Variants in CDC42EP3 observed in about 807,000 individuals in gnomAD.
The protein encoded by CDC42EP3 is CDC42 effector protein 3.
Under a neutral mutation model 15.5 loss-of-function variants are expected in CDC42EP3, and 4 were observed. The observed-to-expected ratio is 0.26, with a 90% CI of 0.13 to 0.59. The LOEUF (loss-of-function observed/expected upper bound fraction) is 0.59, where lower values mean the gene tolerates loss of function less well. CDC42EP3 is among the 20% of genes least tolerant of loss of function. The pLI, the probability that CDC42EP3 is intolerant of heterozygous loss-of-function variation, is 0.89. For synonymous variants in CDC42EP3, 145 were observed against 130.3 expected, an observed-to-expected ratio of 1.11 and a Z score of -0.77; for missense variants, 309 against 311.2, an observed-to-expected ratio of 0.99 and a Z score of 0.05.
At chr2:37,660,233 T>A (rs1473218877) in intron 1 of CDC42EP3, among the ~76,000 whole-genome samples, 1 of 152,216 alleles carries the variant, frequency 6.6e-6, no homozygotes, top group African/African-American at 2.4e-5. Context: ...GTACCACTCA[T>A]TAATAAAATT....
chr2:37,649,421 C>A (rs1440614119), intron 1 of CDC42EP3, among the ~76,000 whole-genome samples: 1 of 117,344 alleles, frequency 8.5e-6, no homozygotes, highest in African/African-American at 3.3e-5. Context: ...TACCACTGCA[C>A]TACAGCCTAG....
Position 37,645,133 on chromosome 2 carries a change from T to C in CDC42EP3, c.*690A>G, listed in dbSNP as rs1273540788. The stretch of plus-strand genomic sequence containing the variant: ...AAGTGACAACATCTGATGTAGAATC[T>C]ATAAAATGTAGACTCTGCAATAAAA... On this transcript the variant is annotated 3_prime_UTR_variant, in exon 2 of 2. Coordinates refer to ENST00000295324, the MANE Select transcript of CDC42EP3 (RefSeq NM_006449.5). 1.3e-5 allele frequency: 2 copies of C among 152,558 alleles called. No homozygotes were observed. The highest frequency in any genetic ancestry group is 2.9e-5 in the Non-Finnish European group (2 of 68,038). The allele number at this position is 152,558 out of a possible 1,614,324, so 9.5% of individuals were successfully genotyped here. A position where few individuals can be genotyped will look rare whatever the true frequency, so the allele number is the denominator to read the frequency against.
chr2:37,662,150 G>A (rs1314914237), intron 1 of CDC42EP3, among the ~76,000 whole-genome samples: 1 of 152,078 alleles, frequency 6.6e-6, no homozygotes, highest in East Asian at 1.9e-4. Flanking sequence ...CTTTTTACCA[G>A]CGAATACAAT....
chr2:37,662,576 C>G (rs553504463), intron 1 of CDC42EP3, among the ~76,000 whole-genome samples: 1 of 152,316 alleles, frequency 6.6e-6, no homozygotes, highest in Non-Finnish European at 1.5e-5. Context: ...AAAGAAGTCC[C>G]TGCTTTACTC....
At chr2:37,663,271 T>C (rs777077939) in intron 1 of CDC42EP3, among the ~76,000 whole-genome samples, 18 of 152,218 alleles carry the variant, frequency 1.2e-4, no homozygotes, top group Non-Finnish European at 2.5e-4. Flanking sequence ...CAAACATCCA[T>C]GGAGGGCCTA....
intron 1 of CDC42EP3, among the ~76,000 whole-genome samples, chr2:37,656,772 A>G (rs61231162): frequency 0.069 from 10,447 of 152,138 alleles, 1,213 homozygotes; most frequent in African/African-American, 0.24. Flanking sequence ...AGAGGAAATG[A>G]CACACCAAGA....
At chr2:37,647,938 C>A (rs563576745) in intron 1 of CDC42EP3, among the ~76,000 whole-genome samples, 3 of 152,286 alleles carry the variant, frequency 2.0e-5, no homozygotes, top group African/African-American at 7.2e-5. Context: ...CTGACCCACA[C>A]TGAATCATAA....
chr2:37,670,978 C>T (rs1363682901), intron 1 of CDC42EP3, among the ~76,000 whole-genome samples: 2 of 152,244 alleles, frequency 1.3e-5, no homozygotes, highest in Non-Finnish European at 2.9e-5. Flanking sequence ...ACAATGTCCT[C>T]CATTAAGAAA....
At chr2:37,651,769 C>T (rs777243318) in intron 1 of CDC42EP3, among the ~76,000 whole-genome samples, 1 of 152,078 alleles carries the variant, frequency 6.6e-6, no homozygotes. Flanking sequence ...CGCCTGGGCC[C>T]GTGAGGACAG....
chr2:37,658,190 T>G (rs1349215063), intron 1 of CDC42EP3, among the ~76,000 whole-genome samples: 1 of 152,166 alleles, frequency 6.6e-6, no homozygotes, highest in African/African-American at 2.4e-5. Flanking sequence ...TGCATCTACT[T>G]AAGTCCAGAC....
intron 1 of CDC42EP3, among the ~76,000 whole-genome samples, chr2:37,654,885 C>T (rs1382899861): frequency 6.6e-6 from 1 of 152,152 alleles, no homozygotes; most frequent in Non-Finnish European, 1.5e-5. Flanking sequence ...TGTAGGAGTG[C>T]TTCTCTGAAT....
intron 1 of CDC42EP3, among the ~76,000 whole-genome samples, chr2:37,663,837 G>C (rs529077540): frequency 6.6e-6 from 1 of 152,170 alleles, no homozygotes; most frequent in African/African-American, 2.4e-5. Flanking sequence ...TCCTCAATCT[G>C]GGTGGGCACC....
intron 1 of CDC42EP3, among the ~76,000 whole-genome samples, chr2:37,651,014 T>C (rs1665657431): frequency 1.3e-5 from 2 of 152,214 alleles, no homozygotes; most frequent in Admixed American, 1.3e-4. Context: ...TGTCCACCTA[T>C]GGAGGACTGG....
intron 1 of CDC42EP3, among the ~76,000 whole-genome samples, chr2:37,670,231 G>T (rs562949651): frequency 4.6e-5 from 7 of 152,114 alleles, no homozygotes; most frequent in African/African-American, 1.7e-4. Flanking sequence ...TTAAAATACA[G>T]ACATCTGCTG....
chr2:37,666,644 C>A (rs1666258897), intron 1 of CDC42EP3, among the ~76,000 whole-genome samples: 1 of 152,262 alleles, frequency 6.6e-6, no homozygotes, highest in Non-Finnish European at 1.5e-5. Context: ...ACACAGTTTA[C>A]TTGGCTATTT....
Position 37,665,207 on chromosome 2 carries a change from T to TA in CDC42EP3, c.-236+6218dup, listed in dbSNP as rs555105209. ...CAAGACACTATGGAAATGCCTCTGATACAAGAAAAAAGAGGAACAGAATCA... is the reference window on the plus strand; with the variant it reads ...CAAGACACTATGGAAATGCCTCTGATAACAAGAAAAAAGAGGAACAGAATCA... On this transcript the variant is annotated intron_variant, in intron 1 of 1. Transcript: ENST00000295324. Among the ~76,000 whole-genome samples the TA allele has an allele frequency of 2.0e-3, 301 of 152,182 alleles. 1 individual carries two copies. Among genetic ancestry groups the TA allele is most frequent in the South Asian group, 5.4e-3 (26 of 4,826 alleles).
At chr2:37,667,079 G>A (rs1427822543) in intron 1 of CDC42EP3, among the ~76,000 whole-genome samples, 1 of 152,100 alleles carries the variant, frequency 6.6e-6, no homozygotes, top group East Asian at 1.9e-4. Context: ...CAAACCCAGA[G>A]CATCAAAGCA....
At chr2:37,655,456 T>A (rs760947224) in intron 1 of CDC42EP3, among the ~76,000 whole-genome samples, 25 of 152,202 alleles carry the variant, frequency 1.6e-4, no homozygotes, top group Non-Finnish European at 2.2e-4. Context: ...CCACCTCACA[T>A]AGCACCAAGT....
chr2:37,661,128 T>TGTGCGC (rs60268329), intron 1 of CDC42EP3, among the ~76,000 whole-genome samples: 1 of 147,904 alleles, frequency 6.8e-6, no homozygotes, highest in Non-Finnish European at 1.5e-5. Context: ...TGTGTGTGTG[T>TGTGCGC]GCGTGTGTGT....
Sources: allele counts gnomAD v4.1 joint callset (sites outside exome capture counted in the v4.1 genomes callset), GRCh38; gene constraint gnomAD v4.1.1; transcripts MANE v1.5; gene names NCBI Gene and HGNC (gene_info 2026-07-23, HGNC 2026-07-21).